The following ZNF804B variants were observed in gnomAD, a reference collection of about 807,000 sequenced individuals.
The protein encoded by ZNF804B is zinc finger protein 804B.
A neutral mutation model predicts 101.4 loss-of-function variants in ZNF804B; 80 were observed. The observed-to-expected ratio is 0.79, with a 90% CI of 0.66 to 0.95. The LOEUF (loss-of-function observed/expected upper bound fraction) is 0.95. ZNF804B is among the 40% of genes least tolerant of loss of function. The probability of loss-of-function intolerance (pLI) is 0.00; values close to 1 mark genes in which losing one functional copy is unlikely to be tolerated. For synonymous variants in ZNF804B, 622 were observed against 558.8 expected, an observed-to-expected ratio of 1.11 and a Z score of -1.59; for missense variants, 1,673 against 1,561.9, an observed-to-expected ratio of 1.07 and a Z score of -1.20.
intron 2 of ZNF804B, among the ~76,000 whole-genome samples, chr7:89,261,599 A>G (rs963790475): frequency 6.6e-6 from 1 of 152,192 alleles, no homozygotes; most frequent in Non-Finnish European, 1.5e-5. Flanking sequence ...TTGTGGGAAC[A>G]CCAAAAACTG....
At chr7:89,215,593 C>T (rs1039144105) in intron 1 of ZNF804B, among the ~76,000 whole-genome samples, 2 of 151,734 alleles carry the variant, frequency 1.3e-5, no homozygotes, top group Non-Finnish European at 2.9e-5. Flanking sequence ...GAAAGAAGAA[C>T]TATGATTAGG....
chr7:88,846,523 G>A (rs888006059), intron 1 of ZNF804B, among the ~76,000 whole-genome samples: 7 of 152,226 alleles, frequency 4.6e-5, no homozygotes, highest in Middle Eastern at 3.4e-3. Context: ...TCCACACATC[G>A]ACTTTAGACG....
rs912322125 is a variant in ZNF804B at position 88,766,514 on chromosome 7, A to G, written c.108+6430A>G. 9.2e-5 allele frequency among the ~76,000 whole-genome samples: 14 copies of G among 152,290 alleles called. 1 individual carries two copies. Among genetic ancestry groups the G allele is most frequent in the Admixed American group, 3.3e-4 (5 of 15,296 alleles). On this transcript the variant is annotated intron_variant, in intron 1 of 3. Coordinates refer to ENST00000333190, the MANE Select transcript of ZNF804B (RefSeq NM_181646.5). ...TTTCTCTTCACAGAAAAGGATAACCATATAGTTGAATCATTTTCTTTTCTT... is the reference window on the plus strand; with the variant it reads ...TTTCTCTTCACAGAAAAGGATAACCGTATAGTTGAATCATTTTCTTTTCTT...
chr7:89,235,662 C>T (rs1420248945), intron 2 of ZNF804B, among the ~76,000 whole-genome samples: 1 of 151,996 alleles, frequency 6.6e-6, no homozygotes, highest in Non-Finnish European at 1.5e-5. Context: ...GTGATGGTCA[C>T]CTATTCTTTA....
intron 1 of ZNF804B, among the ~76,000 whole-genome samples, chr7:88,845,192 G>A (rs1295660387): frequency 6.6e-6 from 1 of 152,122 alleles, no homozygotes; most frequent in African/African-American, 2.4e-5. Context: ...ATTACGTGTT[G>A]AACTTCTGAT....
chr7:88,873,564 T>C (rs1791874147), intron 1 of ZNF804B, among the ~76,000 whole-genome samples: 1 of 152,220 alleles, frequency 6.6e-6, no homozygotes, highest in Non-Finnish European at 1.5e-5. Context: ...TCCTGAATGG[T>C]AATGCCTAGG....
chr7:89,282,211 A>AG (rs1790109974), intron 2 of ZNF804B, among the ~76,000 whole-genome samples: 1 of 151,494 alleles, frequency 6.6e-6, no homozygotes, highest in South Asian at 2.1e-4. Context: ...AAAAAAAAAA[A>AG]AAAAAAAATG....
At chr7:88,877,049 ATTTTTTTTTTT>A (rs869097226) in intron 1 of ZNF804B, among the ~76,000 whole-genome samples, 8 of 13,914 alleles carry the variant, frequency 5.7e-4, no homozygotes, top group African/African-American at 3.0e-3. Context: ...ATATATATAT[ATTTTTTTTTTT>A]TTTTTTTTTT....
chr7:88,955,065 G>C lies in ZNF804B; in HGVS notation c.108+194981G>C, dbSNP rs183845252. ...CTCTTGAGCTCAGGAGTTTAAACCA[G>C]CATGGGCAATATCGTGAGCCCTTGT... On this transcript the variant is annotated intron_variant, in intron 1 of 3. Coordinates refer to ENST00000333190, the MANE Select transcript of ZNF804B (RefSeq NM_181646.5). Among the ~76,000 whole-genome samples the C allele has an allele frequency of 1.5e-3, 225 of 148,180 alleles. 1 individual carries two copies. Among genetic ancestry groups the C allele is most frequent in the African/African-American group, 5.2e-3 (208 of 40,248 alleles).
Position 89,261,470 on chromosome 7 carries a change from T to C in ZNF804B, c.249+43175T>C, listed in dbSNP as rs370742489. On this transcript the variant is annotated intron_variant, in intron 2 of 3. Transcript: ENST00000333190. ...ATAGTTATTGAAAAAATACTGTGCATAAGTGACCTGTGCAGTCCAAATCTG... is the reference window on the plus strand; with the variant it reads ...ATAGTTATTGAAAAAATACTGTGCACAAGTGACCTGTGCAGTCCAAATCTG... Among the ~76,000 whole-genome samples, 7 of 152,156 alleles carry C rather than the reference T, an allele frequency of 4.6e-5. No individual in the cohort carries two copies. In the South Asian group the frequency reaches 1.4e-3, roughly 31 times the overall value.
At chr7:89,296,353 A>G (rs1324777069) in intron 2 of ZNF804B, among the ~76,000 whole-genome samples, 2 of 151,974 alleles carry the variant, frequency 1.3e-5, no homozygotes, top group Admixed American at 6.6e-5. Context: ...TTATTTTCAT[A>G]TAATTTTTGG....
chr7:89,088,158 T>G (rs1309946115), intron 1 of ZNF804B, among the ~76,000 whole-genome samples: 2 of 152,086 alleles, frequency 1.3e-5, no homozygotes, highest in Non-Finnish European at 2.9e-5. Flanking sequence ...CTCAGTGTTC[T>G]GTTCTGATTC....
At chr7:88,765,972 C>T (rs1789977025) in intron 1 of ZNF804B, among the ~76,000 whole-genome samples, 1 of 152,072 alleles carries the variant, frequency 6.6e-6, no homozygotes. Context: ...GTAGCTAAGA[C>T]ACTCTAAACT....
At chr7:89,286,185 A>G (rs967087287) in intron 2 of ZNF804B, among the ~76,000 whole-genome samples, 11 of 152,308 alleles carry the variant, frequency 7.2e-5, no homozygotes, top group South Asian at 2.1e-4. Flanking sequence ...TCTCTTCTGT[A>G]GCCTCTAAAT....
intron 1 of ZNF804B, among the ~76,000 whole-genome samples, chr7:88,913,880 A>T (rs1792589889): frequency 6.6e-6 from 1 of 152,240 alleles, no homozygotes; most frequent in South Asian, 2.1e-4. Flanking sequence ...TGAATGCCTG[A>T]GGATTGCTAA....
At chr7:89,195,377 T>C (rs1395157012) in intron 1 of ZNF804B, among the ~76,000 whole-genome samples, 4 of 142,542 alleles carry the variant, frequency 2.8e-5, no homozygotes, top group Non-Finnish European at 4.6e-5. Context: ...GGTATTCAAT[T>C]AGGAAAAGAG....
chr7:88,988,739 A>G (rs1424145515), intron 1 of ZNF804B, among the ~76,000 whole-genome samples: 1 of 152,166 alleles, frequency 6.6e-6, no homozygotes, highest in East Asian at 1.9e-4. Context: ...GAATGACATA[A>G]GATGAAGAAG....
At position 89,336,345 on chromosome 7, in the gene ZNF804B, T is replaced by C. The variant is rs746930338; in HGVS notation, c.3363T>C (p.Thr1121=). ...EGNINSYYDR[T]MQKPDKVEDG... is the part of the protein sequence containing the mutation. ...ATATAAACTCTTACTATGACAGAAC[T>C]ATGCAGAAACCTGACAAAGTCGAAG... The change falls in exon 4 of 4, where the codon ACT becomes ACC. Residue 1121 remains threonine (T), a synonymous_variant. Transcript: ENST00000333190. The C allele has an allele frequency of 2.8e-5, 45 of 1,613,906 alleles. No individual in the cohort carries two copies. In the East Asian group the frequency reaches 1.0e-3, roughly 36 times the overall value.
intron 1 of ZNF804B, among the ~76,000 whole-genome samples, chr7:88,853,470 T>G (rs1039737995): frequency 2.6e-5 from 4 of 152,070 alleles, no homozygotes; most frequent in African/African-American, 9.7e-5. Context: ...TTCCGGGAAA[T>G]GTAGAGATGC....
Sources: allele counts gnomAD v4.1 joint callset (sites outside exome capture counted in the v4.1 genomes callset), GRCh38; gene constraint gnomAD v4.1.1; transcripts MANE v1.5; gene names NCBI Gene and HGNC (gene_info 2026-07-23, HGNC 2026-07-21).